DYM: variants seen among roughly 807,000 people sequenced by gnomAD.
DYM encodes dyggve-Melchior-Clausen syndrome protein.
Under a neutral mutation model 93.1 loss-of-function variants are expected in DYM, and 78 were observed. The observed-to-expected ratio is 0.84, with a 90% CI of 0.70 to 1.01. The LOEUF (loss-of-function observed/expected upper bound fraction) is 1.01, where lower values mean the gene tolerates loss of function less well. Ranked by LOEUF, DYM falls within the 50% of genes least tolerant of loss-of-function variation. The pLI, the probability that DYM is intolerant of heterozygous loss-of-function variation, is 0.00. For synonymous variants in DYM, 321 were observed against 319.7 expected (o/e 1.00, Z -0.04); for missense variants, 789 against 845.0 (o/e 0.93, Z 0.82).
chr18:49,287,939 A>G (rs146130668), intron 8 of DYM, among the ~76,000 whole-genome samples: 387 of 152,292 alleles, frequency 2.5e-3, no homozygotes, highest in South Asian at 9.7e-3. Context: ...ACACTGTGCT[A>G]TAAGTGTAAA....
intron 8 of DYM, among the ~76,000 whole-genome samples, chr18:49,330,322 A>C (rs892754458): frequency 6.6e-6 from 1 of 152,210 alleles, no homozygotes; most frequent in East Asian, 1.9e-4. Flanking sequence ...ATAGAAAATT[A>C]TGTAGTAATA....
At chr18:49,160,454 A>G (rs1036596609) in intron 15 of DYM, among the ~76,000 whole-genome samples, 5 of 152,160 alleles carry the variant, frequency 3.3e-5, no homozygotes, top group Non-Finnish European at 7.4e-5. Context: ...GGTAGACTGA[A>G]AGTACTCTAT....
At chr18:49,137,180 C>T (rs1440640660) in intron 15 of DYM, among the ~76,000 whole-genome samples, 4 of 152,194 alleles carry the variant, frequency 2.6e-5, no homozygotes, top group Admixed American at 6.5e-5. Context: ...GACAAGTAGA[C>T]ATTTCCTTCC....
At chr18:49,287,978 C>T (rs552587626) in intron 8 of DYM, among the ~76,000 whole-genome samples, 1 of 151,826 alleles carries the variant, frequency 6.6e-6, no homozygotes, top group African/African-American at 2.4e-5. Flanking sequence ...AGACTTAATA[C>T]CAAAAAAAGA....
At chr18:49,412,370 T>C (rs76928856) in intron 2 of DYM, among the ~76,000 whole-genome samples, 13,915 of 152,154 alleles carry the variant, frequency 0.091, 862 homozygotes, top group East Asian at 0.31. Flanking sequence ...AAGCTTTTAG[T>C]TTAAGGGACT....
In DYM at chr18:49,457,106, T is replaced by C. The variant is rs750710318; in HGVS notation, c.-54+3292A>G. Among the ~76,000 whole-genome samples, 28 of 152,154 alleles carry C rather than the reference T, an allele frequency of 1.8e-4. 1 individual carries two copies. Among genetic ancestry groups the C allele is most frequent in the Non-Finnish European group, 3.7e-4 (25 of 68,014 alleles). ...CTTCTAGGCTCACAGCACTCTACCA[T>C]TCCCAGCTGAGTCACAGAAGAACCT... On this transcript the variant is annotated intron_variant, in intron 1 of 17. Transcript: ENST00000675505.
At chr18:49,216,171 A>T (rs930850792) in intron 13 of DYM, among the ~76,000 whole-genome samples, 1 of 152,210 alleles carries the variant, frequency 6.6e-6, no homozygotes, top group African/African-American at 2.4e-5. Flanking sequence ...TCTGAGATCA[A>T]ACTGCAAGGT....
chr18:49,354,426 A>G (rs1180165914), intron 6 of DYM, among the ~76,000 whole-genome samples: 4 of 152,096 alleles, frequency 2.6e-5, no homozygotes, highest in Non-Finnish European at 5.9e-5. Flanking sequence ...CATCAAAAAA[A>G]TAACTGAGAG....
intron 17 of DYM, among the ~76,000 whole-genome samples, chr18:49,090,554 C>A (rs1599673751): frequency 6.6e-6 from 1 of 152,168 alleles, no homozygotes; most frequent in Admixed American, 6.5e-5. Flanking sequence ...CGGTGTCAGG[C>A]ACTCGGTCTC....
chr18:49,092,467 C>T (rs1599687018), intron 17 of DYM, among the ~76,000 whole-genome samples: 1 of 152,206 alleles, frequency 6.6e-6, no homozygotes, highest in African/African-American at 2.4e-5. Context: ...TTACACGCAG[C>T]GTAAAGTGCC....
chr18:49,219,534 A>G (rs1163229800), intron 13 of DYM, among the ~76,000 whole-genome samples: 1 of 152,190 alleles, frequency 6.6e-6, no homozygotes, highest in Non-Finnish European at 1.5e-5. Flanking sequence ...TGAATCCAGC[A>G]GCACATCAAA....
At chr18:49,452,990 G>T (rs1379394196) in intron 1 of DYM, among the ~76,000 whole-genome samples, 1 of 131,514 alleles carries the variant, frequency 7.6e-6, no homozygotes, top group East Asian at 2.3e-4. Flanking sequence ...AGCTAATCTG[G>T]TGGGGACTTG....
At chr18:49,349,592 A>T (rs2064935876) in intron 6 of DYM, among the ~76,000 whole-genome samples, 1 of 152,230 alleles carries the variant, frequency 6.6e-6, no homozygotes, top group African/African-American at 2.4e-5. Flanking sequence ...AAATTTCATC[A>T]AATGTTAGAA....
At chr18:49,304,436 C>T (rs1054543155) in intron 8 of DYM, among the ~76,000 whole-genome samples, 3 of 152,196 alleles carry the variant, frequency 2.0e-5, no homozygotes, top group Non-Finnish European at 4.4e-5. Context: ...TTCATCCCAG[C>T]CCTTCCACTG....
chr18:49,212,152 A>G (rs2092812950), intron 13 of DYM, among the ~76,000 whole-genome samples: 1 of 151,882 alleles, frequency 6.6e-6, no homozygotes, highest in East Asian at 1.9e-4. Context: ...TTTAAAGGCC[A>G]TAAAAGACAA....
At chr18:49,403,090 A>C (rs1309154835) in intron 2 of DYM, among the ~76,000 whole-genome samples, 1 of 152,184 alleles carries the variant, frequency 6.6e-6, no homozygotes, top group African/African-American at 2.4e-5. Flanking sequence ...ACCAACAAGA[A>C]AACCCATAAG....
At chr18:49,385,632 T>A (rs926285038) in intron 3 of DYM, among the ~76,000 whole-genome samples, 3 of 151,678 alleles carry the variant, frequency 2.0e-5, no homozygotes, top group African/African-American at 4.8e-5. Context: ...GAGGTGGAGG[T>A]TGCAGTGAGT....
intron 17 of DYM, among the ~76,000 whole-genome samples, chr18:49,095,699 G>A (rs553648923): frequency 1.1e-4 from 16 of 152,154 alleles, no homozygotes; most frequent in East Asian, 3.9e-4. Flanking sequence ...TCTGAAAAAC[G>A]AAAAGAGTTA....
chr18:49,320,674 T>C (rs1016520878), intron 8 of DYM, among the ~76,000 whole-genome samples: 2 of 152,280 alleles, frequency 1.3e-5, no homozygotes, highest in Non-Finnish European at 1.5e-5. Context: ...GGTTTCACCA[T>C]GTTGGCCAGG....
Sources: allele counts gnomAD v4.1 joint callset (sites outside exome capture counted in the v4.1 genomes callset), GRCh38; gene constraint gnomAD v4.1.1; transcripts MANE v1.5; gene names NCBI Gene and HGNC (gene_info 2026-07-23, HGNC 2026-07-21).